Variants in NPSR1 observed in about 807,000 individuals in gnomAD.
The protein encoded by NPSR1 is neuropeptide S receptor.
Under a neutral mutation model 46.9 loss-of-function variants are expected in NPSR1, and 48 were observed. The ratio of observed to expected loss-of-function variants is 1.02; its 90% CI spans 0.81 to 1.30. The LOEUF is 1.30. Ranked by LOEUF, NPSR1 falls within the 50% of genes most tolerant of loss-of-function variation. The pLI is 0.00. For missense variants in NPSR1, 450 were observed against 449.5 expected (o/e 1.00, Z -0.01); for synonymous variants, 176 against 168.1 (o/e 1.05, Z -0.36).
At chr7:34,872,131 A>G (rs1053516755) in intron 8 of NPSR1, among the ~76,000 whole-genome samples, 3 of 151,932 alleles carry the variant, frequency 2.0e-5, no homozygotes, top group Non-Finnish European at 2.9e-5. Context: ...AGCCTCATTC[A>G]TGCTTACATT....
At chr7:34,796,254 C>G (rs1788165942) in intron 3 of NPSR1, among the ~76,000 whole-genome samples, 1 of 151,838 alleles carries the variant, frequency 6.6e-6, no homozygotes, top group South Asian at 2.1e-4. Context: ...TAAAAGAAAA[C>G]CTAGATGACC....
At chr7:34,803,790 C>A (rs1788552804) in intron 3 of NPSR1, among the ~76,000 whole-genome samples, 1 of 149,164 alleles carries the variant, frequency 6.7e-6, no homozygotes, top group Admixed American at 6.7e-5. Flanking sequence ...CCACAAGTTA[C>A]TAATATCAGA....
intron 8 of NPSR1, among the ~76,000 whole-genome samples, chr7:34,877,396 A>C (rs1208176889): frequency 1.3e-5 from 2 of 152,226 alleles, no homozygotes; most frequent in African/African-American, 4.8e-5. Context: ...GGGCAGTGGA[A>C]GACAAGACAA....
chr7:34,878,331 A>C (rs1584169416), exon 9 of NPSR1: 2 of 482,262 alleles, frequency 4.1e-6, no homozygotes, highest in South Asian at 3.7e-5. Flanking sequence ...AAGAAGGCAG[A>C]CTTCTTCTTT....
chr7:34,873,396 T>TA (rs1182397153), intron 8 of NPSR1, among the ~76,000 whole-genome samples: 1 of 151,448 alleles, frequency 6.6e-6, no homozygotes, highest in African/African-American at 2.4e-5. Context: ...TACACTGCTA[T>TA]AAAAAAAAGT....
chr7:34,815,033 G>A (rs553508720), intron 4 of NPSR1, among the ~76,000 whole-genome samples: 150 of 152,244 alleles, frequency 9.9e-4, no homozygotes, highest in Non-Finnish European at 1.6e-3. Flanking sequence ...GCAACTCCCC[G>A]CCAGCAATGG....
intron 2 of NPSR1, among the ~76,000 whole-genome samples, chr7:34,712,971 T>C (rs564487678): frequency 2.0e-5 from 3 of 152,214 alleles, no homozygotes; most frequent in Non-Finnish European, 4.4e-5. Flanking sequence ...CATTAAAATC[T>C]AAATGGGGGG....
chr7:34,866,951 T>G (rs1394989229), intron 8 of NPSR1, among the ~76,000 whole-genome samples: 1 of 151,530 alleles, frequency 6.6e-6, no homozygotes, highest in Non-Finnish European at 1.5e-5. Flanking sequence ...TTGACTTCTC[T>G]TCTTCTGGGG....
chr7:34,699,778 A>C (rs1157764369), intron 2 of NPSR1, among the ~76,000 whole-genome samples: 1 of 152,184 alleles, frequency 6.6e-6, no homozygotes, highest in Non-Finnish European at 1.5e-5. Context: ...TCACATTGGG[A>C]GTTAGAGATT....
intron 2 of NPSR1, chr7:34,719,163 T>G (rs1302750296): frequency 1.3e-5 from 2 of 152,346 alleles, no homozygotes; most frequent in African/African-American, 4.8e-5. Flanking sequence ...CAGGGGTGTG[T>G]GAGCACTCAA....
In NPSR1 at chr7:34,725,751, C is replaced by T. The variant is rs986198435; in HGVS notation, c.280+41067C>T. Among the ~76,000 whole-genome samples, 6 of 152,242 alleles carry T rather than the reference C, an allele frequency of 3.9e-5. No homozygotes were observed. The South Asian group carries it at 1.0e-3, about 26-fold the overall frequency. On this transcript the variant is annotated intron_variant, in intron 2 of 8. Coordinates refer to ENST00000360581, the MANE Select transcript of NPSR1 (RefSeq NM_207172.2). ...GAAAATATTGGCAAAAGACAGACATCGGATAAAGGACTATTGATATGGTTT... is the reference window on the plus strand; with the variant it reads ...GAAAATATTGGCAAAAGACAGACATTGGATAAAGGACTATTGATATGGTTT...
chr7:34,681,120 C>A (rs536196868), intron 1 of NPSR1, among the ~76,000 whole-genome samples: 28 of 152,112 alleles, frequency 1.8e-4, no homozygotes, highest in Admixed American at 3.3e-4. Flanking sequence ...CCTTTGGGAC[C>A]CTTTCAGCTC....
At chr7:34,769,196 TG>T (rs902138576) in intron 2 of NPSR1, among the ~76,000 whole-genome samples, 1 of 152,190 alleles carries the variant, frequency 6.6e-6, no homozygotes, top group African/African-American at 2.4e-5. Flanking sequence ...TCTCCACTAT[TG>T]GCTTATTAAT....
chr7:34,813,544 T>C (rs1324355694), intron 4 of NPSR1, among the ~76,000 whole-genome samples: 1 of 152,180 alleles, frequency 6.6e-6, no homozygotes, highest in Non-Finnish European at 1.5e-5. Flanking sequence ...CCATATTGTA[T>C]GCTGAGTGAC....
chr7:34,729,042 C>G (rs1784296240), intron 2 of NPSR1, among the ~76,000 whole-genome samples: 1 of 152,170 alleles, frequency 6.6e-6, no homozygotes, highest in African/African-American at 2.4e-5. Context: ...CCCCTCCCAG[C>G]TCTTCTTTGC....
intron 5 of NPSR1, among the ~76,000 whole-genome samples, chr7:34,833,854 T>C (rs1393069394): frequency 6.6e-6 from 1 of 152,144 alleles, no homozygotes; most frequent in Non-Finnish European, 1.5e-5. Context: ...AAGCCAGCAA[T>C]GCATAGAGAC....
intron 5 of NPSR1, among the ~76,000 whole-genome samples, chr7:34,829,061 C>A (rs1176864451): frequency 6.6e-6 from 1 of 152,180 alleles, no homozygotes; most frequent in Non-Finnish European, 1.5e-5. Context: ...TTTTCTGATA[C>A]AGTGGGAGTC....
intron 3 of NPSR1, among the ~76,000 whole-genome samples, chr7:34,790,724 TTA>T (rs1250054550): frequency 2.7e-5 from 3 of 112,820 alleles, no homozygotes; most frequent in East Asian, 2.7e-4. Flanking sequence ...ATAATATATG[TTA>T]TATGTTATAT....
chr7:34,873,803 T>G (rs1182981222), intron 8 of NPSR1, among the ~76,000 whole-genome samples: 1 of 151,346 alleles, frequency 6.6e-6, no homozygotes, highest in Admixed American at 6.6e-5. Context: ...CTGGACTAGG[T>G]GGGGCAAGCC....
Sources: allele counts gnomAD v4.1 joint callset (sites outside exome capture counted in the v4.1 genomes callset), GRCh38; gene constraint gnomAD v4.1.1; transcripts MANE v1.5; gene names NCBI Gene and HGNC (gene_info 2026-07-23, HGNC 2026-07-21).